Variants in LSMEM1 observed in about 807,000 individuals in gnomAD.
LSMEM1 encodes leucine rich single-pass membrane protein 1.
A neutral mutation model predicts 11.3 loss-of-function variants in LSMEM1; 10 were observed. That is an observed-to-expected ratio of 0.89 (90% confidence interval 0.55 to 1.50). The LOEUF (loss-of-function observed/expected upper bound fraction) is 1.50. Among genes scored for constraint, LSMEM1 ranks in the 40% most tolerant of loss-of-function variants. The pLI is 0.00. For synonymous variants in LSMEM1, 65 were observed against 59.3 expected (o/e 1.10, Z -0.44); for missense variants, 151 against 152.9 (o/e 0.99, Z 0.06).
At chr7:112,484,244 G>A (rs931861496) in intron 1 of LSMEM1, among the ~76,000 whole-genome samples, 7 of 152,110 alleles carry the variant, frequency 4.6e-5, no homozygotes, top group Admixed American at 1.3e-4. Flanking sequence ...TGAAGAGAAG[G>A]ACTTACATGC....
At chr7:112,483,146 T>A (rs2117360939) in intron 1 of LSMEM1, among the ~76,000 whole-genome samples, 2 of 152,210 alleles carry the variant, frequency 1.3e-5, no homozygotes, top group East Asian at 3.9e-4. Context: ...CTTTTTTTTT[T>A]TTTTTATGAA....
upstream of LSMEM1, chr7:112,480,924 A>G (rs1443070465): frequency 8.8e-6 from 4 of 456,050 alleles, no homozygotes; most frequent in Non-Finnish European, 1.8e-5. Flanking sequence ...GAAGCATACC[A>G]TGGCAGGAGT....
chr7:112,485,263 G>A (rs566619856), intron 2 of LSMEM1, among the ~76,000 whole-genome samples: 3 of 152,140 alleles, frequency 2.0e-5, no homozygotes, highest in Non-Finnish European at 2.9e-5. Flanking sequence ...CTCTCCTAGT[G>A]ACCATGGCTA....
chr7:112,486,502 C>A (rs909147503), intron 2 of LSMEM1: 2 of 361,126 alleles, frequency 5.5e-6, no homozygotes, highest in Non-Finnish European at 1.1e-5. Flanking sequence ...CACGGCCGGG[C>A]GCCGTGGCTC....
In LSMEM1 at chr7:112,489,985, G is replaced by A. The variant is rs1225578894; in HGVS notation, c.*36G>A. On this transcript the variant is annotated 3_prime_UTR_variant, in exon 4 of 4. Coordinates refer to ENST00000312849, the MANE Select transcript of LSMEM1 (RefSeq NM_182597.3). ...TTCTGAAAGCACCTGCTAACACCTT[G>A]AGCTTTTTACTTTCCTGGGAGTGTA... 4 of 1,595,622 alleles carry A rather than the reference G, an allele frequency of 2.5e-6. No homozygotes were observed. Among genetic ancestry groups the A allele is most frequent in the Non-Finnish European group, 3.4e-6 (4 of 1,172,824 alleles).
At chr7:112,486,092 T>TA (rs1462553225) in intron 2 of LSMEM1, 4 of 161,448 alleles carry the variant, frequency 2.5e-5, no homozygotes, top group African/African-American at 9.6e-5. Flanking sequence ...AAGACAGCTT[T>TA]AAAAAACCAA....
rs938135546 is a variant in LSMEM1 at position 112,481,327 on chromosome 7, C to T, written c.-25C>T. ...TTGTTTTGTTTTTCTGGTAACCTAG[C>T]AGTCAAAGCTCACATTTTTGTAAGT... On this transcript the variant is annotated 5_prime_UTR_variant, in exon 1 of 4. Coordinates refer to ENST00000312849, the MANE Select transcript of LSMEM1 (RefSeq NM_182597.3). The T allele has an allele frequency of 6.5e-6, 1 of 154,948 alleles. No homozygotes were observed. Among genetic ancestry groups the T allele is most frequent in the Non-Finnish European group, 1.4e-5 (1 of 70,100 alleles). 9.6% of individuals were successfully genotyped at this position (154,948 alleles called of 1,614,324 possible). A position where few individuals can be genotyped will look rare whatever the true frequency, so the allele number is the denominator to read the frequency against.
intron 2 of LSMEM1, among the ~76,000 whole-genome samples, chr7:112,486,684 G>T (rs570380739): frequency 6.6e-6 from 1 of 152,268 alleles, no homozygotes; most frequent in African/African-American, 2.4e-5. Context: ...GCTGAGGCAG[G>T]AGAATGGCGT....
chr7:112,490,680 CTT>C lies in LSMEM1; in HGVS notation c.*733_*734del, dbSNP rs1191530762. ...GGACAGTTATATGTAATTATATAAA[CTT>C]TGTGTATTTTGTTTCTCATGAAAAA... On this transcript the variant is annotated 3_prime_UTR_variant, in exon 4 of 4. Coordinates refer to ENST00000312849, the MANE Select transcript of LSMEM1 (RefSeq NM_182597.3). 1.3e-5 allele frequency: 2 copies of C among 152,178 alleles called. No individual in the cohort carries two copies. Among genetic ancestry groups the C allele is most frequent in the African/African-American group, 2.4e-5 (1 of 41,436 alleles). 9.4% of individuals were successfully genotyped at this position (152,178 alleles called of 1,614,324 possible).
intron 2 of LSMEM1, chr7:112,486,375 T>C (rs965852823): frequency 3.3e-5 from 15 of 454,698 alleles, no homozygotes; most frequent in Non-Finnish European, 5.3e-5. Flanking sequence ...TTCAAAGAAC[T>C]TTCCAAAGAG....
intron 2 of LSMEM1, chr7:112,486,373 A>G (rs1220682784): frequency 2.2e-6 from 1 of 454,688 alleles, no homozygotes; most frequent in South Asian, 1.6e-5. Context: ...TCTTCAAAGA[A>G]CTTTCCAAAG....
chr7:112,487,534 T>C (rs1463455078), intron 3 of LSMEM1, among the ~76,000 whole-genome samples: 3 of 152,226 alleles, frequency 2.0e-5, no homozygotes, highest in Non-Finnish European at 2.9e-5. Flanking sequence ...GTGTTGGAGA[T>C]GTATAAAGGT....
Position 112,488,363 on chromosome 7 carries a change from C to T in LSMEM1, c.256+1312C>T, listed in dbSNP as rs183628118. On this transcript the variant is annotated intron_variant, in intron 3 of 3. Transcript: ENST00000312849. ...ACTGGGCATGTCATCCTGCCACACC[C>T]GCCTGGGGGTAATGACGGAGTTAAA... Among the ~76,000 whole-genome samples the T allele has an allele frequency of 3.2e-3, 492 of 152,236 alleles. 2 individuals carry two copies. Among genetic ancestry groups the T allele is most frequent in the African/African-American group, 0.011 (455 of 41,516 alleles).
chr7:112,481,114 C>G lies in LSMEM1; in HGVS notation c.-238C>G, dbSNP rs1796024199. 1 of 327,566 alleles carries G rather than the reference C, an allele frequency of 3.1e-6. No homozygotes were observed. Among genetic ancestry groups the G allele is most frequent in the Non-Finnish European group, 6.0e-6 (1 of 167,986 alleles). The allele number at this position is 327,566 out of a possible 1,614,324, so 20.3% of individuals were successfully genotyped here. A position where few individuals can be genotyped will look rare whatever the true frequency, so the allele number is the denominator to read the frequency against. ...AAACCTTAGACATTATGAAAAAAGT[C>G]AGGATTTGGAATCTTACACTGCTTG... On this transcript the variant is annotated 5_prime_UTR_variant, in exon 1 of 4. Coordinates refer to ENST00000312849, the MANE Select transcript of LSMEM1 (RefSeq NM_182597.3).
intron 3 of LSMEM1, among the ~76,000 whole-genome samples, chr7:112,488,610 T>A (rs1057344297): frequency 2.7e-4 from 29 of 107,444 alleles, no homozygotes; most frequent in Non-Finnish European, 3.4e-4. Context: ...TATTATTATT[T>A]TTATTTTTAA....
upstream of LSMEM1, among the ~76,000 whole-genome samples, chr7:112,480,592 G>A (rs1002286475): frequency 2.6e-5 from 4 of 152,172 alleles, no homozygotes; most frequent in African/African-American, 9.7e-5. Context: ...GTATGTGAGG[G>A]AACCACATAT....
rs1307247705 is a variant in LSMEM1, at chr7:112,489,984, T to C, written c.*35T>C. On this transcript the variant is annotated 3_prime_UTR_variant, in exon 4 of 4. Transcript: ENST00000312849. ...TTTCTGAAAGCACCTGCTAACACCT[T>C]GAGCTTTTTACTTTCCTGGGAGTGT... The C allele has an allele frequency of 6.3e-7, 1 of 1,596,260 alleles. No individual in the cohort carries two copies. Among genetic ancestry groups the C allele is most frequent in the East Asian group, 2.2e-5 (1 of 44,774 alleles).
At chr7:112,485,031 T>TGGGGGGGGG in intron 2 of LSMEM1, 88 bp downstream of exon 2, 4 of 1,199,560 alleles carry the variant, frequency 3.3e-6, no homozygotes, top group Non-Finnish European at 4.6e-6. Flanking sequence ...GTGGGTGTGG[T>TGGGGGGGGG]GGAGGGGGAG....
chr7:112,484,441 A>G lies in LSMEM1; in HGVS notation c.-5-371A>G, dbSNP rs191818072. ...CACCAGAATGTGAACAATGTAATAA[A>G]AGAAAAATTTTAAAATTAGTTACAA... On this transcript the variant is annotated intron_variant, in intron 1 of 3. Transcript: ENST00000312849. Among the ~76,000 whole-genome samples, 30 of 152,342 alleles carry G rather than the reference A, an allele frequency of 2.0e-4. No homozygotes were observed. In the East Asian group the frequency reaches 5.0e-3, roughly 25 times the overall value.
Sources: gnomAD v4.1 joint callset for allele counts (sites outside exome capture counted in the v4.1 genomes callset) on GRCh38, gnomAD v4.1.1 for gene constraint, MANE v1.5 for transcripts, NCBI Gene and HGNC (gene_info 2026-07-23, HGNC 2026-07-21) for gene names.